Variants in MFAP3L observed in about 807,000 individuals in gnomAD.
MFAP3L encodes microfibril associated protein 3 like, also known as microfibrillar-associated protein 3-like.
In MFAP3L, 5 loss-of-function variants were observed where a neutral mutation model predicts 20.0. The ratio of observed to expected loss-of-function variants is 0.25; its 90% CI spans 0.13 to 0.53. The LOEUF (loss-of-function observed/expected upper bound fraction) is 0.53. Ranked by LOEUF, MFAP3L falls within the 20% of genes least tolerant of loss-of-function variation. The pLI, the probability that MFAP3L is intolerant of heterozygous loss-of-function variation, is 0.96. For missense variants in MFAP3L, 409 were observed against 527.5 expected (o/e 0.78, Z 2.20); for synonymous variants, 219 against 213.0 (o/e 1.03, Z -0.25).
At chr4:170,002,547 G>T (rs947880048) in intron 2 of MFAP3L, among the ~76,000 whole-genome samples, 15 of 151,744 alleles carry the variant, frequency 9.9e-5, no homozygotes, top group African/African-American at 3.6e-4. Context: ...GTCTCGTTCT[G>T]TCACCAGGCT....
Position 170,005,852 on chromosome 4 carries a change from GTCAGATGGCTCT to G in MFAP3L, c.14_25del (p.Lys5_Leu8del), listed in dbSNP as rs1379670220. On this transcript the variant is annotated inframe_deletion, in exon 2 of 3. Coordinates refer to ENST00000361618, the MANE Select transcript of MFAP3L (RefSeq NM_021647.8). The stretch of plus-strand genomic sequence containing the variant: ...GGGCACAGAAGGTAGAAAGCACACA[GTCAGATGGCTCT>G]TCAATCGATCCATCTTCTTTGCTTG... The G allele has an allele frequency of 6.2e-7, 1 of 1,613,756 alleles. No homozygotes were observed. Among genetic ancestry groups the G allele is most frequent in the Admixed American group, 1.7e-5 (1 of 60,004 alleles).
intron 1 of MFAP3L, among the ~76,000 whole-genome samples, chr4:170,021,370 G>A (rs1260675009): frequency 1.3e-5 from 2 of 152,180 alleles, no homozygotes; most frequent in African/African-American, 2.4e-5. Context: ...ATTTAAGAGC[G>A]AGGGAATGGT....
At chr4:169,997,802 CTT>C (rs397768343) in intron 2 of MFAP3L, 3,152 of 918,644 alleles carry the variant, frequency 3.4e-3, no homozygotes, top group Middle Eastern at 5.0e-3. Flanking sequence ...TTCATTAATT[CTT>C]TTTTTTTTTT....
chr4:170,016,060 G>T (rs1396385381), intron 1 of MFAP3L, among the ~76,000 whole-genome samples: 1 of 151,924 alleles, frequency 6.6e-6, no homozygotes, highest in Non-Finnish European at 1.5e-5. Flanking sequence ...AAAAGAGTTG[G>T]TATTCAAATA....
At chr4:170,009,798 C>A (rs1057205599) in intron 1 of MFAP3L, among the ~76,000 whole-genome samples, 1 of 152,180 alleles carries the variant, frequency 6.6e-6, no homozygotes, top group East Asian at 1.9e-4. Context: ...TCTTCTTTTT[C>A]CACCTATAAT....
intron 1 of MFAP3L, among the ~76,000 whole-genome samples, chr4:170,015,679 A>G (rs965939271): frequency 2.0e-5 from 3 of 152,218 alleles, no homozygotes; most frequent in Non-Finnish European, 4.4e-5. Context: ...GAATCAGCCC[A>G]GATTCCTCCA....
intron 2 of MFAP3L, among the ~76,000 whole-genome samples, chr4:169,999,794 A>G (rs1178021007): frequency 6.6e-6 from 1 of 152,198 alleles, no homozygotes; most frequent in Non-Finnish European, 1.5e-5. Context: ...AACTGCTTCT[A>G]TGGGATCTAC....
In MFAP3L at chr4:170,003,804, C is replaced by G. The variant is rs755221372; in HGVS notation, c.298+1776G>C. On this transcript the variant is annotated intron_variant, in intron 2 of 2. Transcript: ENST00000361618. ...TGCTAAGGTACCTGGCCTGCAGTGTCTTTGTTACCATGGCTATTGCCCTCC... is the reference window on the plus strand; with the variant it reads ...TGCTAAGGTACCTGGCCTGCAGTGTGTTTGTTACCATGGCTATTGCCCTCC... 152 of 985,336 alleles carry G rather than the reference C, an allele frequency of 1.5e-4. 1 individual carries two copies. Among genetic ancestry groups the G allele is most frequent in the Non-Finnish European group, 1.8e-4 (147 of 829,952 alleles). The allele number at this position is 985,336 out of a possible 1,614,324, so 61.0% of individuals were successfully genotyped here.
rs1253911677 is a variant in MFAP3L, at chr4:169,991,867, A to G, written c.741T>C (p.Ile247=). ...CCTCCATGATAGTCCTGCAGTTCAT[A>G]ATGAGAGGCGGCAGAGGCACGCTCC... ...LARSVPLPPL[I]MNCRTIMEEI... The change falls in exon 3 of 3, where the codon ATT becomes ATC. Residue 247 remains isoleucine, a synonymous_variant. Coordinates refer to ENST00000361618, the MANE Select transcript of MFAP3L (RefSeq NM_021647.8). The surrounding 1 kb of genome is among the most constrained non-coding windows in gnomAD (Gnocchi z 4.9). 3 of 1,614,118 alleles carry G rather than the reference A, an allele frequency of 1.9e-6. No individual in the cohort carries two copies. The highest frequency in any genetic ancestry group is 2.5e-6 in the Non-Finnish European group (3 of 1,180,012).
Position 170,000,082 on chromosome 4 carries a change from T to C in MFAP3L, c.298+5498A>G, listed in dbSNP as rs77653601. ...AGTTCCCAGCTGAGAACCACGGGGTTAGGCAAATGCAAAATTCATCTGGTG... is the reference window on the plus strand; with the variant it reads ...AGTTCCCAGCTGAGAACCACGGGGTCAGGCAAATGCAAAATTCATCTGGTG... On this transcript the variant is annotated intron_variant, in intron 2 of 2. Coordinates refer to ENST00000361618, the MANE Select transcript of MFAP3L (RefSeq NM_021647.8). 4.7e-3 allele frequency among the ~76,000 whole-genome samples: 719 copies of C among 152,304 alleles called. 6 individuals carry two copies. The highest frequency in any genetic ancestry group is 0.016 in the African/African-American group (672 of 41,562).
chr4:170,016,481 T>C (rs1171420424), intron 1 of MFAP3L, among the ~76,000 whole-genome samples: 1 of 152,236 alleles, frequency 6.6e-6, no homozygotes, highest in African/African-American at 2.4e-5. Flanking sequence ...TGGTCACCTA[T>C]GTGAAACCGT....
At chr4:170,011,730 A>G (rs962428865) in intron 1 of MFAP3L, among the ~76,000 whole-genome samples, 1 of 152,142 alleles carries the variant, frequency 6.6e-6, no homozygotes, top group Non-Finnish European at 1.5e-5. Context: ...ACATATATCG[A>G]CAGTTACAGG....
intron 2 of MFAP3L, among the ~76,000 whole-genome samples, chr4:170,003,097 T>C (rs1190565032): frequency 6.6e-6 from 1 of 152,246 alleles, no homozygotes; most frequent in Non-Finnish European, 1.5e-5. Flanking sequence ...CTTTGTATAT[T>C]ATCCCATGTT....
intron 2 of MFAP3L, among the ~76,000 whole-genome samples, chr4:169,995,560 G>C (rs540713570): frequency 6.6e-6 from 1 of 152,312 alleles, no homozygotes; most frequent in Non-Finnish European, 1.5e-5. Flanking sequence ...CACTTGTCCA[G>C]ACAGGAACAT....
At chr4:170,008,496 A>G (rs72972963) in intron 1 of MFAP3L, among the ~76,000 whole-genome samples, 4,809 of 152,294 alleles carry the variant, frequency 0.032, 250 homozygotes, top group African/African-American at 0.11. Flanking sequence ...AGTGCCACAA[A>G]GCTCAATAAA....
At chr4:169,995,532 G>C (rs1351605750) in intron 2 of MFAP3L, among the ~76,000 whole-genome samples, 2 of 152,154 alleles carry the variant, frequency 1.3e-5, no homozygotes, top group East Asian at 1.9e-4. Flanking sequence ...TGCTCAAGAA[G>C]AATCTCCATC....
At chr4:170,024,086 A>G (rs901463602) in intron 1 of MFAP3L, among the ~76,000 whole-genome samples, 3 of 152,162 alleles carry the variant, frequency 2.0e-5, no homozygotes, top group Non-Finnish European at 4.4e-5. Context: ...AGAAGAAATG[A>G]TCACCTTTTT....
intron 2 of MFAP3L, among the ~76,000 whole-genome samples, chr4:170,000,107 G>A (rs1738509751): frequency 6.6e-6 from 1 of 152,162 alleles, no homozygotes; most frequent in Non-Finnish European, 1.5e-5. Flanking sequence ...TTCATCTGGT[G>A]CATAATACTT....
intron 2 of MFAP3L, chr4:169,997,699 G>T: frequency 1.8e-5 from 18 of 985,266 alleles, no homozygotes; most frequent in Non-Finnish European, 2.2e-5. Flanking sequence ...TGGCTGGGTA[G>T]GTATAAGGGG....
Sources: gnomAD v4.1 joint callset for allele counts (sites outside exome capture counted in the v4.1 genomes callset) on GRCh38, gnomAD v4.1.1 for gene constraint, Gnocchi (gnomAD v3.1) non-coding constraint, MANE v1.5 for transcripts, NCBI Gene and HGNC (gene_info 2026-07-23, HGNC 2026-07-21) for gene names.